The following RHOBTB2 variants were observed in gnomAD, a reference collection of about 807,000 sequenced individuals.
RHOBTB2 encodes the protein Rho related BTB domain containing 2.
RHOBTB2 carries 39 observed loss-of-function variants against 66.5 expected under a neutral mutation model. The ratio of observed to expected loss-of-function variants is 0.59; its 90% CI spans 0.45 to 0.77. RHOBTB2 has a LOEUF of 0.77. Among genes scored for constraint, RHOBTB2 ranks in the 30% least tolerant of loss-of-function variants. The pLI is 0.00. For synonymous variants in RHOBTB2, 390 were observed against 395.0 expected (o/e 0.99, Z 0.15); for missense variants, 755 against 999.1 (o/e 0.76, Z 3.29).
intron 1 of RHOBTB2, among the ~76,000 whole-genome samples, chr8:22,990,308 G>A (rs373737487): frequency 3.9e-5 from 6 of 152,166 alleles, no homozygotes; most frequent in African/African-American, 1.4e-4. Context: ...GTGTATTTTG[G>A]CCCAGAAGGG....
At chr8:23,012,033 G>T (rs1399070634) in intron 7 of RHOBTB2, among the ~76,000 whole-genome samples, 2 of 152,222 alleles carry the variant, frequency 1.3e-5, no homozygotes, top group Non-Finnish European at 2.9e-5. Context: ...CCCAGAAGGG[G>T]ATAAAGGGAA....
chr8:23,013,379 T>C (rs10092122), intron 7 of RHOBTB2, among the ~76,000 whole-genome samples: 2,628 of 152,180 alleles, frequency 0.017, 117 homozygotes, highest in African/African-American at 0.06. Flanking sequence ...GCCCTTTGCC[T>C]AGTATTCCTT....
the RHOBTB2 span, among the ~76,000 whole-genome samples, chr8:22,976,139 C>T: frequency 6.6e-6 from 1 of 151,820 alleles, no homozygotes; most frequent in African/African-American, 2.4e-5. Flanking sequence ...GAGCGAGACT[C>T]TGTCTCAAAA....
At chr8:22,988,753 C>T (rs1386341413) in intron 1 of RHOBTB2, among the ~76,000 whole-genome samples, 3 of 152,186 alleles carry the variant, frequency 2.0e-5, no homozygotes, top group Non-Finnish European at 2.9e-5. Context: ...GTCACTTCCT[C>T]GCAAAGGAGT....
At chr8:22,995,522 T>C (rs1174925791), upstream of RHOBTB2, among the ~76,000 whole-genome samples, 1 of 152,242 alleles carries the variant, frequency 6.6e-6, no homozygotes. Flanking sequence ...AGTACACATT[T>C]ATCTGGTGAA....
At chr8:22,966,134 T>C in the RHOBTB2 span, among the ~76,000 whole-genome samples, 1 of 150,334 alleles carries the variant, frequency 6.7e-6, no homozygotes. Context: ...GCAGATCACT[T>C]GAGGTCAGGA....
chr8:23,003,145 G>C (rs1308463003), intron 1 of RHOBTB2, among the ~76,000 whole-genome samples: 1 of 152,218 alleles, frequency 6.6e-6, no homozygotes, highest in Non-Finnish European at 1.5e-5. Flanking sequence ...ATACACACAG[G>C]AATGTGAGTG....
chr8:23,002,613 C>G (rs748043957), intron 1 of RHOBTB2, among the ~76,000 whole-genome samples: 5 of 152,164 alleles, frequency 3.3e-5, no homozygotes, highest in Non-Finnish European at 7.4e-5. Context: ...TCACTTGAAC[C>G]CAGGAGGCAG....
intron 7 of RHOBTB2, among the ~76,000 whole-genome samples, chr8:23,011,650 G>C (rs938367228): frequency 3.3e-5 from 5 of 152,176 alleles, no homozygotes; most frequent in Non-Finnish European, 5.9e-5. Context: ...TGGTGCTCGT[G>C]GGGTGAAGGG....
At position 23,006,476 on chromosome 8, in the gene RHOBTB2, G is replaced by A; in HGVS notation, c.483-252G>A. ...GTGAAGCATTGCCTGCTAATTGCCA[G>A]AGAGGCAGTGCTGTCACGGCTTTGT... is the stretch of plus-strand genomic sequence containing the variant. On this transcript the variant is annotated intron_variant, in intron 4 of 9. Coordinates refer to ENST00000251822, the MANE Select transcript of RHOBTB2 (RefSeq NM_015178.3). This position sits in a 1 kb window ranked among gnomAD's most constrained non-coding sequence, Gnocchi z 6.1. The A allele has an allele frequency of 1.8e-6, 1 of 565,888 alleles. No individual in the cohort carries two copies. The highest frequency in any genetic ancestry group is 3.1e-6 in the Non-Finnish European group (1 of 319,522). The allele number at this position is 565,888 out of a possible 1,614,324, so 35.1% of individuals were successfully genotyped here. A position where few individuals can be genotyped will look rare whatever the true frequency, so the allele number is the denominator to read the frequency against.
intron 1 of RHOBTB2, among the ~76,000 whole-genome samples, chr8:22,989,619 T>C (rs1188086182): frequency 6.6e-6 from 1 of 152,154 alleles, no homozygotes; most frequent in African/African-American, 2.4e-5. Context: ...TTGGGGATCA[T>C]CTAAGGAAAC....
chr8:22,967,790 A>G, the RHOBTB2 span, among the ~76,000 whole-genome samples: 50 of 151,980 alleles, frequency 3.3e-4, no homozygotes, highest in African/African-American at 1.1e-3. Context: ...AGTTCTGGAG[A>G]TGGATGGTGG....
At position 23,004,645 on chromosome 8, in the gene RHOBTB2, C is replaced by A; in HGVS notation, c.192+19C>A. On this transcript the variant is annotated intron_variant, in intron 2 of 9. Transcript: ENST00000251822. This position sits in a 1 kb window ranked among gnomAD's most constrained non-coding sequence, Gnocchi z 6.4. ...CCAGGAGGTAAGGCTGCAGGACTACCTGGCTGGGGGTCCACGCCATGAGTC... is the reference window on the plus strand; with the variant it reads ...CCAGGAGGTAAGGCTGCAGGACTACATGGCTGGGGGTCCACGCCATGAGTC... 1 of 1,603,500 alleles carries A rather than the reference C, an allele frequency of 6.2e-7. No homozygotes were observed. The highest frequency in any genetic ancestry group is 8.5e-7 in the Non-Finnish European group (1 of 1,175,552).
In RHOBTB2 at chr8:23,006,640, C is replaced by A; in HGVS notation, c.483-88C>A. 1 of 1,338,794 alleles carries A rather than the reference C, an allele frequency of 7.5e-7. No homozygotes were observed. The highest frequency in any genetic ancestry group is 1.0e-6 in the Non-Finnish European group (1 of 960,918). 82.9% of individuals were successfully genotyped at this position (1,338,794 alleles called of 1,614,324 possible). The stretch of plus-strand genomic sequence containing the variant: ...AGTGGGTGGGGATTGGCACCCAGAT[C>A]CTGAGCAGAGTCCCTCCAGCCTGTG... On this transcript the variant is annotated intron_variant, in intron 4 of 9. Coordinates refer to ENST00000251822, the MANE Select transcript of RHOBTB2 (RefSeq NM_015178.3). The surrounding 1 kb of genome is among the most constrained non-coding windows in gnomAD (Gnocchi z 6.1).
At chr8:22,996,745 C>T (rs1309451291), upstream of RHOBTB2, among the ~76,000 whole-genome samples, 4 of 151,886 alleles carry the variant, frequency 2.6e-5, no homozygotes, top group Admixed American at 6.6e-5. Flanking sequence ...TGCTGTGAGA[C>T]GCTGCTGCCT....
At chr8:22,988,153 C>CTTTTTTTTT (rs34922844) in intron 1 of RHOBTB2, among the ~76,000 whole-genome samples, 1 of 78,110 alleles carries the variant, frequency 1.3e-5, no homozygotes, top group Non-Finnish European at 2.5e-5. Flanking sequence ...GCTCCTTCCC[C>CTTTTTTTTT]TTTTTTTTTT....
the RHOBTB2 span, among the ~76,000 whole-genome samples, chr8:22,976,357 G>A: frequency 5.0e-4 from 76 of 152,144 alleles, no homozygotes; most frequent in African/African-American, 1.4e-3. Context: ...AGAGATTCCC[G>A]GACAGTAAAT....
Position 23,007,159 on chromosome 8 carries a change from TG to T in RHOBTB2, c.920del (p.Gly307AlafsTer88), listed in dbSNP as rs753391613. On this transcript the variant is annotated frameshift_variant, in exon 5 of 10. Coordinates refer to ENST00000251822, the MANE Select transcript of RHOBTB2 (RefSeq NM_015178.3). LOFTEE classifies it high-confidence loss of function. ...CTCATGGACCTGAGTGAGGGGGAGC[TG>T]GGGGGCCCCTCGGAGCCAGGGGGCA... ...LFLMDLSEGE[L>X]GGPSEPGGTH... 3.1e-6 allele frequency: 5 copies of T among 1,605,804 alleles called. No homozygotes were observed. Among genetic ancestry groups the T allele is most frequent in the Admixed American group, 1.7e-5 (1 of 59,894 alleles).
chr8:22,951,118 A>G, the RHOBTB2 span, among the ~76,000 whole-genome samples: 1 of 152,094 alleles, frequency 6.6e-6, no homozygotes, highest in Non-Finnish European at 1.5e-5. Flanking sequence ...CAGTACTGTA[A>G]CATAGCCTAT....
Sources: gnomAD v4.1 joint callset for allele counts (sites outside exome capture counted in the v4.1 genomes callset) on GRCh38, gnomAD v4.1.1 for gene constraint, Gnocchi (gnomAD v3.1) non-coding constraint, MANE v1.5 for transcripts, NCBI Gene and HGNC (gene_info 2026-07-23, HGNC 2026-07-21) for gene names.